Variants in EFCAB12 observed in about 807,000 individuals in gnomAD.
EFCAB12 encodes EF-hand calcium binding domain 12.
A neutral mutation model predicts 53.6 loss-of-function variants in EFCAB12; 43 were observed. That is an observed-to-expected ratio of 0.80 (90% CI 0.63 to 1.03). EFCAB12 has a LOEUF of 1.03. Ranked by LOEUF, EFCAB12 falls within the 50% of genes least tolerant of loss-of-function variation. EFCAB12 has a pLI of 0.00. For missense variants in EFCAB12, 646 were observed against 730.6 expected, an observed-to-expected ratio of 0.88 and a Z score of 1.34; for synonymous variants, 269 against 289.2, an observed-to-expected ratio of 0.93 and a Z score of 0.71.
At chr3:129,404,496 T>A in intron 6 of EFCAB12, 93 bp from the exon 7 acceptor site, 1 of 1,353,158 alleles carries the variant, frequency 7.4e-7, no homozygotes. Flanking sequence ...TTTTTTTTTT[T>A]TTAATTCACA....
intron 6 of EFCAB12, among the ~76,000 whole-genome samples, chr3:129,406,516 C>T (rs1404179255): frequency 2.6e-5 from 4 of 151,912 alleles, no homozygotes; most frequent in African/African-American, 2.4e-5. Flanking sequence ...AGACAGAGAG[C>T]GAGAGAGAAA....
Position 129,401,536 on chromosome 3 carries a change from G to A in EFCAB12, c.*57C>T, listed in dbSNP as rs2071869448. On this transcript the variant is annotated 3_prime_UTR_variant, in exon 9 of 9. Transcript: ENST00000505956. ...TCCTCTTGTGTCTGGGCTCTGGGCC[G>A]CTGGCTGCACTGGCCCCTGGCCCAG... is the stretch of plus-strand genomic sequence containing the variant. 6 of 1,462,010 alleles carry A rather than the reference G, an allele frequency of 4.1e-6. No individual in the cohort carries two copies. The highest frequency in any genetic ancestry group is 2.6e-5 in the Admixed American group (1 of 38,464). The allele number at this position is 1,462,010 out of a possible 1,614,324, so 90.6% of individuals were successfully genotyped here.
intron 8 of EFCAB12, 123 bp from the exon 9 acceptor site, chr3:129,401,974 C>G (rs188768580): frequency 6.8e-5 from 89 of 1,312,466 alleles, no homozygotes; most frequent in Middle Eastern, 2.7e-4. Context: ...CACTTCAGCA[C>G]CTCAGTCCTC....
rs557494718 is a variant in EFCAB12 at position 129,401,878 on chromosome 3, G to A, written c.1461-27C>T. ...TGGAAAACAAGAAGACACAGGGATG[G>A]TTGTCATGGCAGACAGGCCAGAGCT... On this transcript the variant is annotated intron_variant, in intron 8 of 8. Coordinates refer to ENST00000505956, the MANE Select transcript of EFCAB12 (RefSeq NM_207307.3). 4.4e-6 allele frequency: 7 copies of A among 1,603,630 alleles called. No homozygotes were observed. In the East Asian group the frequency reaches 6.7e-5, roughly 15 times the overall value.
At position 129,404,168 on chromosome 3, in the gene EFCAB12, C is replaced by T; in HGVS notation, c.1403+82G>A. On this transcript the variant is annotated intron_variant, in intron 7 of 8. Coordinates refer to ENST00000505956, the MANE Select transcript of EFCAB12 (RefSeq NM_207307.3). Reference sequence around the variant, plus strand: ...CAAGCACAGCATGGCGCCCCAGGTACTCCAGCCTCCAGCCCCCACACTGAA... The same window carrying T: ...CAAGCACAGCATGGCGCCCCAGGTATTCCAGCCTCCAGCCCCCACACTGAA... 1.3e-6 allele frequency: 2 copies of T among 1,526,816 alleles called. 1 individual carries two copies. Among genetic ancestry groups the T allele is most frequent in the South Asian group, 2.5e-5 (2 of 78,814 alleles). 94.6% of individuals were successfully genotyped at this position (1,526,816 alleles called of 1,614,324 possible). A position where few individuals can be genotyped will look rare whatever the true frequency, so the allele number is the denominator to read the frequency against.
At chr3:129,410,072 G>A (rs9810835) in intron 5 of EFCAB12, among the ~76,000 whole-genome samples, 9,413 of 151,740 alleles carry the variant, frequency 0.062, 917 homozygotes, top group East Asian at 0.44. Context: ...GTACTGTGCA[G>A]TAATAGCTCA....
intron 3 of EFCAB12, among the ~76,000 whole-genome samples, chr3:129,416,489 AC>A (rs1171179476): frequency 1.3e-5 from 2 of 152,204 alleles, no homozygotes; most frequent in African/African-American, 4.8e-5. Context: ...TAATATTTAA[AC>A]TTTTGGTTAT....
At chr3:129,409,047 C>T (rs890739548) in intron 5 of EFCAB12, among the ~76,000 whole-genome samples, 189 bp from the exon 6 acceptor site, 1 of 152,200 alleles carries the variant, frequency 6.6e-6, no homozygotes, top group Non-Finnish European at 1.5e-5. Context: ...TTCAGAAGCT[C>T]AGGTTCTGAA....
intron 6 of EFCAB12, among the ~76,000 whole-genome samples, chr3:129,407,771 G>A (rs2071972102): frequency 1.3e-5 from 2 of 152,178 alleles, no homozygotes; most frequent in Non-Finnish European, 2.9e-5. Flanking sequence ...AAAATTAGCT[G>A]TGCATGGTGG....
chr3:129,410,340 A>C (rs1187140464), intron 5 of EFCAB12, among the ~76,000 whole-genome samples: 1 of 150,066 alleles, frequency 6.7e-6, no homozygotes, highest in Non-Finnish European at 1.5e-5. Context: ...TTTTTGAGAC[A>C]AGATCTTGCT....
rs778521571 is a variant in EFCAB12 at position 129,411,323 on chromosome 3, C to T, written c.870G>A (p.Leu290=). 2.5e-6 allele frequency: 4 copies of T among 1,598,294 alleles called. No individual in the cohort carries two copies. In the African/African-American group the frequency reaches 4.0e-5, roughly 16 times the overall value. ...HYILAKHRDS[L]KGPLKKQEVD... ...CCTCCTGCTTCTTGAGCGGACCCTT[C>T]AGGGAATCTCTGTGCTTGGCCAAGA... Residue 290 remains leucine (L), a synonymous_variant, in exon 5 of 9, where the codon CTG becomes CTA. Transcript: ENST00000505956.
At chr3:129,423,392 T>C (rs2072213166) in intron 1 of EFCAB12, among the ~76,000 whole-genome samples, 1 of 152,144 alleles carries the variant, frequency 6.6e-6, no homozygotes, top group Non-Finnish European at 1.5e-5. Context: ...TTTGGGAGGC[T>C]GAGGTGGGAG....
intron 2 of EFCAB12, among the ~76,000 whole-genome samples, chr3:129,420,158 C>G (rs2072170959): frequency 6.6e-6 from 1 of 152,132 alleles, no homozygotes; most frequent in African/African-American, 2.4e-5. Flanking sequence ...AGGACTGACC[C>G]TGAAGTTTCC....
intron 6 of EFCAB12, among the ~76,000 whole-genome samples, chr3:129,407,866 A>G (rs1197108266): frequency 6.6e-6 from 1 of 152,246 alleles, no homozygotes; most frequent in Non-Finnish European, 1.5e-5. Context: ...GTGAGCCGCA[A>G]TCGCACTACT....
chr3:129,418,623 C>T (rs2072152036), intron 2 of EFCAB12, 175 bp from the exon 3 acceptor site: 1 of 475,766 alleles, frequency 2.1e-6, no homozygotes, highest in African/African-American at 2.0e-5. Flanking sequence ...GCCTGGGAGA[C>T]TTTGCTTCTC....
intron 2 of EFCAB12, among the ~76,000 whole-genome samples, chr3:129,420,407 T>C (rs2072173824): frequency 6.6e-6 from 1 of 152,242 alleles, no homozygotes; most frequent in Non-Finnish European, 1.5e-5. Context: ...ACCCAACTTA[T>C]CTGTCTTCTT....
chr3:129,428,316 A>G (rs1577055803), intron 1 of EFCAB12, 124 bp downstream of exon 1: 1 of 1,354,672 alleles, frequency 7.4e-7, no homozygotes, highest in South Asian at 1.2e-5. Context: ...CCCCGACTCC[A>G]TGGCAACCCT....
In EFCAB12 at chr3:129,428,468, C is replaced by G; in HGVS notation, c.21G>C (p.Ala7=). Residue 7 remains alanine (A), a synonymous_variant, in exon 1 of 9, where the codon GCG becomes GCC. Transcript: ENST00000505956. MDDDYE[A]YHSLFLSLLG... The stretch of plus-strand genomic sequence containing the variant: ...GCAGCGACAAGAACAGACTGTGGTA[C>G]GCTTCATAGTCGTCGTCCATGGTCG... The G allele has an allele frequency of 6.2e-7, 1 of 1,611,266 alleles. No homozygotes were observed. Among genetic ancestry groups the G allele is most frequent in the Non-Finnish European group, 8.5e-7 (1 of 1,178,720 alleles).
intron 5 of EFCAB12, among the ~76,000 whole-genome samples, chr3:129,409,687 T>TATAA (rs10662959): frequency 0.062 from 9,462 of 152,194 alleles, 908 homozygotes; most frequent in East Asian, 0.44. Flanking sequence ...CAGCTGTTTT[T>TATAA]ATAAAGTTTT....
Sources: gnomAD v4.1 joint callset for allele counts (sites outside exome capture counted in the v4.1 genomes callset) on GRCh38, gnomAD v4.1.1 for gene constraint, MANE v1.5 for transcripts, NCBI Gene and HGNC (gene_info 2026-07-23, HGNC 2026-07-21) for gene names.